The following TDRD12 variants were observed in gnomAD, a reference collection of about 807,000 sequenced individuals.
The protein encoded by TDRD12 is tudor domain containing 12.
A neutral mutation model predicts 133.5 loss-of-function variants in TDRD12; 158 were observed. The observed-to-expected ratio is 1.18, with a 90% CI of 1.04 to 1.35. The LOEUF is 1.35. Ranked by LOEUF, TDRD12 falls within the 40% of genes most tolerant of loss-of-function variation. TDRD12 has a pLI of 0.00. For missense variants in TDRD12, 1,443 were observed against 1,321.3 expected, an observed-to-expected ratio of 1.09 and a Z score of -1.43; for synonymous variants, 460 against 477.9, an observed-to-expected ratio of 0.96 and a Z score of 0.49.
intron 26 of TDRD12, among the ~76,000 whole-genome samples, chr19:32,815,916 C>T (rs531102836): frequency 6.6e-6 from 1 of 152,058 alleles, no homozygotes; most frequent in African/African-American, 2.4e-5. Context: ...ATCGCTTGAA[C>T]CTGGGAGGCA....
At chr19:32,825,004 C>T (rs1458533127), downstream of TDRD12, among the ~76,000 whole-genome samples, 1 of 152,166 alleles carries the variant, frequency 6.6e-6, no homozygotes, top group Non-Finnish European at 1.5e-5. The surrounding 1 kb of genome is among the most constrained non-coding windows in gnomAD (Gnocchi z 4.1). Flanking sequence ...CTGCCTCCTT[C>T]GCACCCTAGC....
intron 6 of TDRD12, among the ~76,000 whole-genome samples, chr19:32,754,242 G>A (rs989723357): frequency 4.6e-5 from 7 of 152,300 alleles, no homozygotes; most frequent in African/African-American, 1.7e-4. Flanking sequence ...GCTGATGTGG[G>A]TGGATTGCTT....
At chr19:32,791,673 C>A (rs1193396759) in intron 13 of TDRD12, among the ~76,000 whole-genome samples, 1 of 152,094 alleles carries the variant, frequency 6.6e-6, no homozygotes, top group Non-Finnish European at 1.5e-5. Flanking sequence ...GCTCTGTCTT[C>A]TGAGCACCCA....
chr19:32,725,930 A>T (rs890571648), intron 1 of TDRD12, among the ~76,000 whole-genome samples: 1 of 152,026 alleles, frequency 6.6e-6, no homozygotes, highest in Non-Finnish European at 1.5e-5. Flanking sequence ...GCAACAATTG[A>T]ATTATTTCAA....
At chr19:32,742,747 T>C (rs1294358039) in intron 3 of TDRD12, 34 bp from the exon 4 acceptor site, 1 of 1,540,866 alleles carries the variant, frequency 6.5e-7, no homozygotes. Flanking sequence ...TATAATTTTC[T>C]ATATAATGGA....
At chr19:32,742,861 C>T in exon 4 of TDRD12, 2 of 1,551,776 alleles carry the variant, frequency 1.3e-6, no homozygotes, top group Non-Finnish European at 8.7e-7. Context: ...AAGCCTGTCA[C>T]ATTACACATT....
At chr19:32,779,738 C>CT (rs1212432593) in intron 11 of TDRD12, among the ~76,000 whole-genome samples, 1 of 152,188 alleles carries the variant, frequency 6.6e-6, no homozygotes, top group African/African-American at 2.4e-5. Flanking sequence ...AGTCTCAACT[C>CT]TGTGTGTTGA....
rs947873595 is a variant in TDRD12 at position 32,791,080 on chromosome 19, C to T, written c.1287+12C>T. The stretch of plus-strand genomic sequence containing the variant: ...CAGACCTGAAGAAGGTAAAAGTGCT[C>T]GTAAAACTGAATTTATCAAGAATGC... On this transcript the variant is annotated intron_variant, in intron 13 of 27. Transcript: ENST00000444215. The T allele has an allele frequency of 9.2e-6, 14 of 1,524,230 alleles. No homozygotes were observed. In the East Asian group the frequency reaches 2.9e-4, roughly 32 times the overall value. 94.4% of individuals were successfully genotyped at this position (1,524,230 alleles called of 1,614,324 possible).
chr19:32,817,060 A>C (rs1273434076), intron 26 of TDRD12, among the ~76,000 whole-genome samples: 1 of 152,208 alleles, frequency 6.6e-6, no homozygotes, highest in Non-Finnish European at 1.5e-5. Context: ...ACTTGACCAG[A>C]GCACTGTTAG....
At chr19:32,823,924 CGGG>C (rs1202954256), downstream of TDRD12, among the ~76,000 whole-genome samples, 3 of 152,158 alleles carry the variant, frequency 2.0e-5, no homozygotes, top group African/African-American at 7.2e-5. Context: ...GTGGGGCCCT[CGGG>C]GGACGTCAGG....
intron 10 of TDRD12, among the ~76,000 whole-genome samples, chr19:32,773,936 A>C (rs1411215996): frequency 6.6e-6 from 1 of 152,158 alleles, no homozygotes; most frequent in African/African-American, 2.4e-5. Flanking sequence ...TTTTGGACAG[A>C]GTTGTCCCTG....
intron 2 of TDRD12, among the ~76,000 whole-genome samples, chr19:32,733,915 A>C: frequency 6.8e-6 from 1 of 147,246 alleles, no homozygotes; most frequent in African/African-American, 2.5e-5. Flanking sequence ...TTTTTGAGAC[A>C]GAGTCTTGTT....
chr19:32,782,538 C>T (rs1434031549), intron 11 of TDRD12, among the ~76,000 whole-genome samples: 1 of 152,176 alleles, frequency 6.6e-6, no homozygotes, highest in Non-Finnish European at 1.5e-5. Context: ...TGAGGAATCA[C>T]CACACTGTCT....
In TDRD12 at chr19:32,756,628, T is replaced by C. The variant is rs576163604; in HGVS notation, c.773-410T>C. 2.3e-3 allele frequency among the ~76,000 whole-genome samples: 355 copies of C among 152,286 alleles called. 1 individual carries two copies. The highest frequency in any genetic ancestry group is 3.5e-3 in the Non-Finnish European group (237 of 68,022). On this transcript the variant is annotated intron_variant, in intron 7 of 27. Transcript: ENST00000444215. ...TGGTCTCAATCTCCTGACCTCATGA[T>C]CCGCCTGTCTCAGCCTCCCAAAGTG...
chr19:32,802,204 T>C (rs912953728), intron 19 of TDRD12, among the ~76,000 whole-genome samples: 1 of 137,112 alleles, frequency 7.3e-6, no homozygotes, highest in African/African-American at 2.8e-5. Context: ...TATATGATAG[T>C]GATCATATAT....
At chr19:32,756,044 C>A in exon 7 of TDRD12, 1 of 1,477,032 alleles carries the variant, frequency 6.8e-7, no homozygotes, top group South Asian at 1.4e-5. Flanking sequence ...TATATGTCAC[C>A]TACAAAGAAT....
downstream of TDRD12, among the ~76,000 whole-genome samples, chr19:32,825,139 T>G (rs1208137038): frequency 6.6e-6 from 1 of 152,158 alleles, no homozygotes; most frequent in African/African-American, 2.4e-5. This position sits in a 1 kb window ranked among gnomAD's most constrained non-coding sequence, Gnocchi z 4.1. Flanking sequence ...TTGACGTCAC[T>G]GGGTCAGTGC....
intron 27 of TDRD12, among the ~76,000 whole-genome samples, chr19:32,820,412 C>A (rs1055427955): frequency 6.6e-6 from 1 of 152,108 alleles, no homozygotes; most frequent in Non-Finnish European, 1.5e-5. Flanking sequence ...AATTTGACTT[C>A]TTTTAAAATA....
At chr19:32,770,133 A>G (rs979610526) in intron 8 of TDRD12, among the ~76,000 whole-genome samples, 1 of 151,606 alleles carries the variant, frequency 6.6e-6, no homozygotes, top group Admixed American at 6.6e-5. Context: ...CAGCCTCCCA[A>G]GTAGCTGGGA....
Sources: gnomAD v4.1 joint callset for allele counts (sites outside exome capture counted in the v4.1 genomes callset) on GRCh38, gnomAD v4.1.1 for gene constraint, Gnocchi (gnomAD v3.1) non-coding constraint, MANE v1.5 for transcripts, NCBI Gene and HGNC (gene_info 2026-07-23, HGNC 2026-07-21) for gene names.